SP4: variants seen among roughly 807,000 people sequenced by gnomAD.
The protein encoded by SP4 is Sp4 transcription factor.
Under a neutral mutation model 72.8 loss-of-function variants are expected in SP4, and 19 were observed. The ratio of observed to expected loss-of-function variants is 0.26; its 90% CI spans 0.18 to 0.38. The LOEUF is 0.38. Ranked by LOEUF, SP4 falls within the 10% of genes least tolerant of loss-of-function variation. The pLI is 1.00. For synonymous variants in SP4, 395 were observed against 333.1 expected (o/e 1.19, Z -2.02); for missense variants, 1,008 against 926.3 (o/e 1.09, Z -1.14).
rs934466969 is a variant in SP4, at chr7:21,513,670, A to T, written c.*2401A>T. On this transcript the variant is annotated 3_prime_UTR_variant, in exon 6 of 6. Coordinates refer to ENST00000222584, the MANE Select transcript of SP4 (RefSeq NM_003112.5). Reference sequence around the variant, plus strand: ...TTGTTGTTGTTAATACCAAGTATGAACACTCTGCATCATTATTCCATGAAC... The same window carrying T: ...TTGTTGTTGTTAATACCAAGTATGATCACTCTGCATCATTATTCCATGAAC... 6.6e-6 allele frequency: 1 copy of T among 152,232 alleles called. No homozygotes were observed. Among genetic ancestry groups the T allele is most frequent in the African/African-American group, 2.4e-5 (1 of 41,440 alleles). The allele number at this position is 152,232 out of a possible 1,614,324, so 9.4% of individuals were successfully genotyped here. A position where few individuals can be genotyped will look rare whatever the true frequency, so the allele number is the denominator to read the frequency against.
intron 3 of SP4, among the ~76,000 whole-genome samples, chr7:21,439,756 G>A (rs964078152): frequency 6.6e-6 from 1 of 152,096 alleles, no homozygotes; most frequent in Non-Finnish European, 1.5e-5. Context: ...AAATCAGCTG[G>A]ATGTGGTGGC....
chr7:21,509,051 TC>T (rs1316583060), intron 5 of SP4, among the ~76,000 whole-genome samples: 1 of 152,134 alleles, frequency 6.6e-6, no homozygotes, highest in Non-Finnish European at 1.5e-5. Flanking sequence ...ATTTTTTTCT[TC>T]CAGTGATTGT....
At chr7:21,489,243 AT>A (rs927322210) in intron 5 of SP4, among the ~76,000 whole-genome samples, 2 of 152,178 alleles carry the variant, frequency 1.3e-5, no homozygotes, top group Non-Finnish European at 2.9e-5. Context: ...TGAAACTTCA[AT>A]TTTTTTAACA....
At chr7:21,451,573 G>C (rs144965337) in intron 3 of SP4, among the ~76,000 whole-genome samples, 326 of 152,212 alleles carry the variant, frequency 2.1e-3, no homozygotes, top group Non-Finnish European at 3.4e-3. Context: ...GTCAGGGCAG[G>C]GTGGCTCTGT....
intron 3 of SP4, among the ~76,000 whole-genome samples, chr7:21,439,495 C>T (rs1326478720): frequency 6.6e-6 from 1 of 151,936 alleles, no homozygotes; most frequent in Admixed American, 6.6e-5. Context: ...TCCCCTCACA[C>T]CCTCCTTTCT....
chr7:21,428,273 C>A lies in SP4; in HGVS notation c.7+15C>A, dbSNP rs1233297706. ...CGGGATGAGCGGTACGTATTCTCCA[C>A]CCCCCTCAGTCTCCTTCGCCGCCTC... On this transcript the variant is annotated intron_variant, in intron 1 of 5. Transcript: ENST00000222584. 2.1e-6 allele frequency: 3 copies of A among 1,459,902 alleles called. No individual in the cohort carries two copies. The highest frequency in any genetic ancestry group is 2.0e-5 in the Admixed American group (1 of 50,448). 90.4% of individuals were successfully genotyped at this position (1,459,902 alleles called of 1,614,324 possible). A position where few individuals can be genotyped will look rare whatever the true frequency, so the allele number is the denominator to read the frequency against.
intron 3 of SP4, among the ~76,000 whole-genome samples, chr7:21,452,477 A>C (rs1012081423): frequency 6.6e-6 from 1 of 152,186 alleles, no homozygotes; most frequent in African/African-American, 2.4e-5. Context: ...TACTTGCCAC[A>C]GGTCGGGAAT....
Position 21,452,786 on chromosome 7 carries a change from T to A in SP4, c.1678+21943T>A, listed in dbSNP as rs140841974. Among the ~76,000 whole-genome samples the A allele has an allele frequency of 2.6e-3, 380 of 148,134 alleles. 5 individuals are homozygous for A. The South Asian group carries it at 0.034, about 13-fold the overall frequency. On this transcript the variant is annotated intron_variant, in intron 3 of 5. Transcript: ENST00000222584. Reference sequence around the variant, plus strand: ...ATAGGAGTATACTTTACTCATTATTTTTTTTTTTTTTTTTGAGACAGAGTC... The same window carrying A: ...ATAGGAGTATACTTTACTCATTATTATTTTTTTTTTTTTTGAGACAGAGTC...
At chr7:21,454,211 ACT>A (rs1783687748) in intron 3 of SP4, among the ~76,000 whole-genome samples, 1 of 152,160 alleles carries the variant, frequency 6.6e-6, no homozygotes, top group Non-Finnish European at 1.5e-5. Context: ...GGCATGGCTA[ACT>A]CTGTGTGTCT....
At chr7:21,455,635 G>A (rs1221023256) in intron 3 of SP4, among the ~76,000 whole-genome samples, 1 of 152,150 alleles carries the variant, frequency 6.6e-6, no homozygotes, top group Non-Finnish European at 1.5e-5. Flanking sequence ...AATATGAACA[G>A]GGCCCCCCAG....
intron 5 of SP4, among the ~76,000 whole-genome samples, chr7:21,497,814 C>T (rs1489090615): frequency 6.6e-6 from 1 of 152,008 alleles, no homozygotes; most frequent in East Asian, 1.9e-4. Context: ...ATGAAATAAC[C>T]AAAGAGCTTC....
At chr7:21,465,037 T>A (rs1262163779) in intron 3 of SP4, among the ~76,000 whole-genome samples, 1 of 152,234 alleles carries the variant, frequency 6.6e-6, no homozygotes, top group Non-Finnish European at 1.5e-5. Context: ...AAATTCTGTT[T>A]AAAGAAAGTA....
chr7:21,451,230 C>T (rs182459033), intron 3 of SP4, among the ~76,000 whole-genome samples: 4 of 152,302 alleles, frequency 2.6e-5, no homozygotes, highest in East Asian at 1.9e-4. Flanking sequence ...TGAGCTCACT[C>T]GTCCAACTCC....
chr7:21,466,211 C>T lies in SP4; in HGVS notation c.1679-10868C>T, dbSNP rs148433404. On this transcript the variant is annotated intron_variant, in intron 3 of 5. Coordinates refer to ENST00000222584, the MANE Select transcript of SP4 (RefSeq NM_003112.5). ...TGGTCAGATCTTATTTATCATTTCT[C>T]CAGCAGCATTAAGCACATAGCAGGT... Among the ~76,000 whole-genome samples, 1,307 of 152,210 alleles carry T rather than the reference C, an allele frequency of 8.6e-3. 9 individuals are homozygous for T. Among genetic ancestry groups the T allele is most frequent in the Non-Finnish European group, 0.015 (1,016 of 68,008 alleles).
rs1413825124 is a variant in SP4 at position 21,513,551 on chromosome 7, A to G, written c.*2282A>G. ...AGCTGAAACATCAAATATATATTTT[A>G]TCTATCATTATGCTACACAATCAGT... On this transcript the variant is annotated 3_prime_UTR_variant, in exon 6 of 6. Coordinates refer to ENST00000222584, the MANE Select transcript of SP4 (RefSeq NM_003112.5). 6.6e-6 allele frequency: 1 copy of G among 152,394 alleles called. No homozygotes were observed. The allele number at this position is 152,394 out of a possible 1,614,324, so 9.4% of individuals were successfully genotyped here.
chr7:21,428,281 A>T, intron 1 of SP4, 23 bp downstream of exon 1: 1 of 1,361,462 alleles, frequency 7.3e-7, no homozygotes, highest in Non-Finnish European at 1.0e-6. Flanking sequence ...CACCCCCCTC[A>T]GTCTCCTTCG....
chr7:21,510,958 A>T, intron 5 of SP4, 64 bp from the exon 6 acceptor site: 5 of 1,464,024 alleles, frequency 3.4e-6, no homozygotes, highest in South Asian at 1.4e-5. Context: ...AAGGGAGATT[A>T]TTAAAAATTA....
chr7:21,511,173 G>A lies in SP4; in HGVS notation c.2259G>A (p.Glu753=), dbSNP rs757316574. Residue 753 remains glutamate (E), a synonymous_variant, in exon 6 of 6, where the codon GAG becomes GAA. Transcript: ENST00000222584. ...GAGAACTGGACTCATCTGTTACAGA[G>A]GTGCTTGGCTCCCCAAGAATTGTCA... ...TSGELDSSVT[E]VLGSPRIVTV... is the part of the protein sequence containing the mutation. 1.2e-6 allele frequency: 2 copies of A among 1,614,052 alleles called. No homozygotes were observed. The highest frequency in any genetic ancestry group is 2.7e-5 in the African/African-American group (2 of 74,928).
intron 5 of SP4, among the ~76,000 whole-genome samples, chr7:21,501,601 G>C (rs1050255949): frequency 6.6e-6 from 1 of 152,178 alleles, no homozygotes; most frequent in Non-Finnish European, 1.5e-5. Context: ...AATTATGAGA[G>C]ATGTAAGGAT....
Sources: gnomAD v4.1 joint callset for allele counts (sites outside exome capture counted in the v4.1 genomes callset) on GRCh38, gnomAD v4.1.1 for gene constraint, MANE v1.5 for transcripts, NCBI Gene and HGNC (gene_info 2026-07-23, HGNC 2026-07-21) for gene names.